The following C12orf54 variants were observed in gnomAD, a reference collection of about 807,000 sequenced individuals.
C12orf54 encodes the protein uncharacterized protein C12orf54.
In C12orf54, 24 loss-of-function variants were observed where a neutral mutation model predicts 26.4. That is an observed-to-expected ratio of 0.91 (90% CI 0.66 to 1.28). The LOEUF (loss-of-function observed/expected upper bound fraction) is 1.28. C12orf54 is among the 50% of genes most tolerant of loss of function. The pLI, the probability that C12orf54 is intolerant of heterozygous loss-of-function variation, is 0.00. For missense variants in C12orf54, 154 were observed against 150.9 expected (o/e 1.02, Z -0.11); for synonymous variants, 54 against 47.0 (o/e 1.15, Z -0.61).
the C12orf54 span, among the ~76,000 whole-genome samples, chr12:48,476,592 A>C: frequency 1.3e-5 from 2 of 152,216 alleles, no homozygotes; most frequent in Non-Finnish European, 2.9e-5. Context: ...CAGGGGTTGC[A>C]ATCCTAGTCT....
chr12:48,451,540 G>T, the C12orf54 span, among the ~76,000 whole-genome samples: 1 of 152,162 alleles, frequency 6.6e-6, no homozygotes, highest in Non-Finnish European at 1.5e-5. Context: ...TAGGAAAGAG[G>T]AAGTCAAACT....
At chr12:48,458,566 G>T in the C12orf54 span, among the ~76,000 whole-genome samples, 1 of 152,144 alleles carries the variant, frequency 6.6e-6, no homozygotes, top group Non-Finnish European at 1.5e-5. Context: ...CTCAAGGACA[G>T]GGACCAGTCT....
the C12orf54 span, among the ~76,000 whole-genome samples, chr12:48,469,679 A>G: frequency 3.3e-5 from 5 of 152,234 alleles, no homozygotes; most frequent in South Asian, 1.0e-3. Flanking sequence ...ATAAGTGTCC[A>G]TGAAATCTTC....
At chr12:48,459,611 A>T in the C12orf54 span, among the ~76,000 whole-genome samples, 2 of 152,146 alleles carry the variant, frequency 1.3e-5, no homozygotes, top group Non-Finnish European at 2.9e-5. Flanking sequence ...TGTGTCAGGG[A>T]TTCCCAAGAC....
At position 48,494,920 on chromosome 12, in the gene C12orf54, C is replaced by T. The variant is rs748003402; in HGVS notation, c.365C>T (p.Ala122Val). The change falls in exon 8 of 9, where the codon GCT (alanine) becomes GTT (valine). Residue 122 changes from alanine (A) to valine (V), a missense_variant. Ala to Val is a moderately conservative substitution (Grantham distance 64). Coordinates refer to ENST00000548364, the MANE Select transcript of C12orf54 (RefSeq NM_152319.4). ...AAGACACAGCTCTTCAGTCAATCAG[C>T]TTACTACCCTGGACCCTAACTCTAC... ...NLKTQLFSQSAYYPGP is the reference protein window; with the variant it reads ...NLKTQLFSQSVYYPGP 9.3e-6 allele frequency: 15 copies of T among 1,613,288 alleles called. No individual in the cohort carries two copies. The East Asian group carries it at 3.3e-4, about 36-fold the overall frequency.
chr12:48,421,613 T>A, the C12orf54 span, among the ~76,000 whole-genome samples: 2 of 126,686 alleles, frequency 1.6e-5, no homozygotes, highest in South Asian at 5.6e-4. Context: ...CACTGCAACC[T>A]CCACCTCCCC....
chr12:48,486,779 G>A, intron 4 of C12orf54, 53 bp downstream of exon 4: 2 of 1,534,898 alleles, frequency 1.3e-6, no homozygotes, highest in South Asian at 1.1e-5. Context: ...GGAGGTGGGG[G>A]AAGTCTTCAG....
the C12orf54 span, among the ~76,000 whole-genome samples, chr12:48,434,733 A>G: frequency 6.6e-6 from 1 of 152,352 alleles, no homozygotes. Context: ...AACAAACAGA[A>G]AGGACATCCA....
the C12orf54 span, among the ~76,000 whole-genome samples, chr12:48,445,817 A>C: frequency 3.4e-4 from 52 of 152,332 alleles, no homozygotes; most frequent in Non-Finnish European, 1.5e-5. Context: ...CTCCCAATCC[A>C]AGTGTTTCAT....
the C12orf54 span, among the ~76,000 whole-genome samples, chr12:48,444,190 T>C: frequency 6.6e-6 from 1 of 152,198 alleles, no homozygotes. Context: ...ACTTCTGTCA[T>C]GTGGGGAATG....
At chr12:48,466,782 A>T in the C12orf54 span, among the ~76,000 whole-genome samples, 1 of 152,152 alleles carries the variant, frequency 6.6e-6, no homozygotes, top group Non-Finnish European at 1.5e-5. Flanking sequence ...CAGTATATTA[A>T]TTTTTTAAAT....
intron 6 of C12orf54, 97 bp downstream of exon 6, chr12:48,490,933 G>A: frequency 6.9e-7 from 1 of 1,438,856 alleles, no homozygotes; most frequent in South Asian, 1.2e-5. Context: ...AAAGAAAATG[G>A]AGATAAGAAG....
At chr12:48,469,589 C>G in the C12orf54 span, among the ~76,000 whole-genome samples, 2 of 152,218 alleles carry the variant, frequency 1.3e-5, no homozygotes, top group East Asian at 3.9e-4. Context: ...CATACATCCT[C>G]ATCTTATGAA....
chr12:48,482,389 A>G (rs1254642529), upstream of C12orf54: 1 of 152,212 alleles, frequency 6.6e-6, no homozygotes, highest in Non-Finnish European at 1.5e-5. Context: ...TTTGGATTGA[A>G]TGGAGCCTAG....
At chr12:48,432,490 T>C in the C12orf54 span, among the ~76,000 whole-genome samples, 38 of 149,628 alleles carry the variant, frequency 2.5e-4, no homozygotes, top group African/African-American at 9.4e-4. Context: ...TGCTGAAACA[T>C]GAGAAGCTTT....
At chr12:48,444,974 C>T in the C12orf54 span, among the ~76,000 whole-genome samples, 1 of 152,212 alleles carries the variant, frequency 6.6e-6, no homozygotes, top group Non-Finnish European at 1.5e-5. Flanking sequence ...AGATGGAGAC[C>T]ATCCTGGCTA....
chr12:48,458,795 G>A, the C12orf54 span, among the ~76,000 whole-genome samples: 2 of 151,044 alleles, frequency 1.3e-5, no homozygotes, highest in Admixed American at 1.3e-4. Flanking sequence ...TCCTATTTTG[G>A]AAAGACTGAA....
chr12:48,418,034 G>C, the C12orf54 span, among the ~76,000 whole-genome samples: 2 of 152,170 alleles, frequency 1.3e-5, no homozygotes, highest in African/African-American at 4.8e-5. Flanking sequence ...AAAAAATTTA[G>C]ATAGAAAACA....
rs1937912678 is a variant in C12orf54, at chr12:48,496,416, G to A, written c.*276G>A. On this transcript the variant is annotated 3_prime_UTR_variant, in exon 9 of 9. Coordinates refer to ENST00000548364, the MANE Select transcript of C12orf54 (RefSeq NM_152319.4). ...CCTTCCTGGTTCTTCCTGGGCTGTGGAATGGGTAGTGATAGAATTTCCAAG... is the reference window on the plus strand; with the variant it reads ...CCTTCCTGGTTCTTCCTGGGCTGTGAAATGGGTAGTGATAGAATTTCCAAG... 1 of 152,684 alleles carries A rather than the reference G, an allele frequency of 6.5e-6. No homozygotes were observed. The allele number at this position is 152,684 out of a possible 1,614,324, so 9.5% of individuals were successfully genotyped here.
Sources: gnomAD v4.1 joint callset for allele counts (sites outside exome capture counted in the v4.1 genomes callset) on GRCh38, gnomAD v4.1.1 for gene constraint, MANE v1.5 for transcripts, NCBI Gene and HGNC (gene_info 2026-07-23, HGNC 2026-07-21) for gene names.